SPATS2: variants seen among roughly 807,000 people sequenced by gnomAD.
SPATS2 encodes the protein spermatogenesis-associated serine-rich protein 2.
Under a neutral mutation model 63.7 loss-of-function variants are expected in SPATS2, and 38 were observed. That is an observed-to-expected ratio of 0.60 (90% CI 0.46 to 0.78). The LOEUF (loss-of-function observed/expected upper bound fraction) is 0.78, where lower values mean the gene tolerates loss of function less well. Ranked by LOEUF, SPATS2 falls within the 30% of genes least tolerant of loss-of-function variation. The pLI is 0.00. For missense variants in SPATS2, 588 were observed against 666.2 expected (o/e 0.88, Z 1.29); for synonymous variants, 207 against 232.9 (o/e 0.89, Z 1.01).
At chr12:49,476,968 G>A (rs887785318) in intron 3 of SPATS2, among the ~76,000 whole-genome samples, 12 of 152,126 alleles carry the variant, frequency 7.9e-5, no homozygotes, top group African/African-American at 2.7e-4. Context: ...AGCCAGCCAT[G>A]GTGGCACATG....
chr12:49,471,242 T>C (rs1043623262), intron 3 of SPATS2, among the ~76,000 whole-genome samples: 2 of 152,356 alleles, frequency 1.3e-5, no homozygotes, highest in South Asian at 4.1e-4. Context: ...GCTGCTGTTA[T>C]GGTGGTCTGT....
intron 2 of SPATS2, chr12:49,386,963 T>G (rs542780887): frequency 6.6e-6 from 1 of 152,286 alleles, no homozygotes; most frequent in Admixed American, 6.5e-5. Flanking sequence ...CACTGAGAGT[T>G]AAGATAGTAG....
At chr12:49,503,943 A>G (rs1339723591) in intron 9 of SPATS2, among the ~76,000 whole-genome samples, 3 of 152,186 alleles carry the variant, frequency 2.0e-5, no homozygotes, top group African/African-American at 4.8e-5. Context: ...AACCAGGTCA[A>G]TTTAACTTGA....
At chr12:49,443,511 C>A (rs1757757481) in intron 2 of SPATS2, among the ~76,000 whole-genome samples, 2 of 151,296 alleles carry the variant, frequency 1.3e-5, no homozygotes, top group Admixed American at 1.3e-4. Context: ...AATTTGAATT[C>A]TAGCTTTTTT....
At chr12:49,499,783 T>G (rs555322101) in intron 8 of SPATS2, among the ~76,000 whole-genome samples, 1 of 152,226 alleles carries the variant, frequency 6.6e-6, no homozygotes, top group African/African-American at 2.4e-5. Context: ...GGAAAAGTAC[T>G]ACCTGTTACA....
chr12:49,510,409 A>T (rs1946732122), intron 9 of SPATS2, among the ~76,000 whole-genome samples: 1 of 151,246 alleles, frequency 6.6e-6, no homozygotes, highest in Admixed American at 6.6e-5. Context: ...CAAAAAATGT[A>T]AAAAATTAGC....
In SPATS2 at chr12:49,423,135, T is replaced by C. The variant is rs1026657081; in HGVS notation, c.-243-37635T>C. Among the ~76,000 whole-genome samples the C allele has an allele frequency of 4.6e-5, 7 of 151,956 alleles. No homozygotes were observed. In the South Asian group the frequency reaches 1.5e-3, roughly 32 times the overall value. On this transcript the variant is annotated intron_variant, in intron 2 of 13. Coordinates refer to ENST00000552918, the MANE Select transcript of SPATS2 (RefSeq NM_023071.4). The stretch of plus-strand genomic sequence containing the variant: ...GCCTTGCTAGCACTCTGGTTAATAC[T>C]GTTTTTGTTTTTTTTTTTTGAGATG...
At chr12:49,453,021 T>G (rs1945651619) in intron 2 of SPATS2, among the ~76,000 whole-genome samples, 1 of 151,954 alleles carries the variant, frequency 6.6e-6, no homozygotes, top group Non-Finnish European at 1.5e-5. Context: ...TAGCCGGACG[T>G]GATGGCGGGC....
At chr12:49,496,538 C>T (rs1946466597) in intron 7 of SPATS2, among the ~76,000 whole-genome samples, 1 of 152,176 alleles carries the variant, frequency 6.6e-6, no homozygotes, top group Admixed American at 6.5e-5. Flanking sequence ...TACATAGAAA[C>T]TACCAAGCTA....
intron 4 of SPATS2, among the ~76,000 whole-genome samples, chr12:49,488,690 A>G (rs1946335683): frequency 6.6e-6 from 1 of 152,198 alleles, no homozygotes; most frequent in African/African-American, 2.4e-5. Flanking sequence ...TTATCAACAT[A>G]GAAAAAATCT....
At chr12:49,509,997 C>G (rs977003526) in intron 9 of SPATS2, among the ~76,000 whole-genome samples, 1 of 151,762 alleles carries the variant, frequency 6.6e-6, no homozygotes, top group Non-Finnish European at 1.5e-5. Context: ...TGGCTCATAC[C>G]TATAATCCCA....
At chr12:49,379,712 T>C (rs1944179154) in intron 2 of SPATS2, among the ~76,000 whole-genome samples, 1 of 147,830 alleles carries the variant, frequency 6.8e-6, no homozygotes, top group African/African-American at 2.5e-5. Flanking sequence ...AACCTCTGCC[T>C]CCTGGGTTCA....
At chr12:49,447,909 T>C (rs935547511) in intron 2 of SPATS2, among the ~76,000 whole-genome samples, 2 of 151,924 alleles carry the variant, frequency 1.3e-5, no homozygotes, top group African/African-American at 4.8e-5. Context: ...TTTGGTTTTA[T>C]TGCTTTTCTC....
In SPATS2 at chr12:49,432,509, G is replaced by A. The variant is rs542942494; in HGVS notation, c.-243-28261G>A. 1.0e-3 allele frequency among the ~76,000 whole-genome samples: 157 copies of A among 152,222 alleles called. 1 individual carries two copies. The highest frequency in any genetic ancestry group is 3.4e-3 in the Middle Eastern group (1 of 294). ...CATATGTAAATGAAAGTTCAGGAGC[G>A]TTAAGTATATTCACATTGTTGTATA... is the stretch of plus-strand genomic sequence containing the variant. On this transcript the variant is annotated intron_variant, in intron 2 of 13. Coordinates refer to ENST00000552918, the MANE Select transcript of SPATS2 (RefSeq NM_023071.4).
In SPATS2 at chr12:49,460,961, C is replaced by A. The variant is rs754276262; in HGVS notation, c.-52C>A. The A allele has an allele frequency of 6.2e-7, 1 of 1,608,780 alleles. No homozygotes were observed. The highest frequency in any genetic ancestry group is 1.3e-5 in the African/African-American group (1 of 74,742). ...GAGATACCTACACTCAAAACCCAGA[C>A]AAGGCAAAAGGATACTTTTCTTGTA... On this transcript the variant is annotated 5_prime_UTR_variant, in exon 3 of 14. Transcript: ENST00000552918.
intron 3 of SPATS2, among the ~76,000 whole-genome samples, chr12:49,479,213 C>T (rs968817828): frequency 7.9e-5 from 12 of 152,212 alleles, no homozygotes; most frequent in Non-Finnish European, 1.6e-4. Context: ...GGAAAAGGCA[C>T]CACAAGTCAC....
In SPATS2 at chr12:49,516,197, AT is replaced by A. The variant is rs1565760970; in HGVS notation, c.898+1585del. ...TATATATATATATATATATATATATATATATATATATAAATCAGGCATGGGG... is the reference window on the plus strand; with the variant it reads ...TATATATATATATATATATATATATAATATATATATAAATCAGGCATGGGG... On this transcript the variant is annotated intron_variant, in intron 10 of 13. Transcript: ENST00000552918. Among the ~76,000 whole-genome samples, 289 of 111,558 alleles carry A rather than the reference AT, an allele frequency of 2.6e-3. 18 individuals are homozygous for A. The highest frequency in any genetic ancestry group is 3.2e-3 in the Non-Finnish European group (174 of 54,710). 73.2% of individuals were successfully genotyped at this position (111,558 alleles called of 152,430 possible).
intron 2 of SPATS2, among the ~76,000 whole-genome samples, chr12:49,449,108 A>G (rs776910656): frequency 8.5e-5 from 13 of 152,348 alleles, no homozygotes; most frequent in Non-Finnish European, 1.9e-4. Context: ...TTGGCCTAGT[A>G]TATAGTCTGT....
chr12:49,525,938 C>A lies in SPATS2; in HGVS notation c.1327-6C>A, dbSNP rs1947025414. 6.2e-7 allele frequency: 1 copy of A among 1,611,834 alleles called. No homozygotes were observed. Among genetic ancestry groups the A allele is most frequent in the African/African-American group, 1.3e-5 (1 of 74,956 alleles). ...CACCTTGAACATTGTATTCTTTCAT[C>A]TTTAGGTATTGCCAGGGAACAGACG... is the stretch of plus-strand genomic sequence containing the variant. On this transcript the variant is annotated splice_region_variant and splice_polypyrimidine_tract_variant and intron_variant, in intron 13 of 13. Transcript: ENST00000552918.
Sources: allele counts gnomAD v4.1 joint callset (sites outside exome capture counted in the v4.1 genomes callset), GRCh38; gene constraint gnomAD v4.1.1; transcripts MANE v1.5; gene names NCBI Gene and HGNC (gene_info 2026-07-23, HGNC 2026-07-21).